Variants in GALNTL6 observed in about 807,000 individuals in gnomAD.
GALNTL6 encodes the protein polypeptide N-acetylgalactosaminyltransferase like 6.
Under a neutral mutation model 73.7 loss-of-function variants are expected in GALNTL6, and 46 were observed. The observed-to-expected ratio is 0.62, with a 90% CI of 0.49 to 0.80. GALNTL6 has a LOEUF of 0.80. Among genes scored for constraint, GALNTL6 ranks in the 30% least tolerant of loss-of-function variants. GALNTL6 has a pLI of 0.00. For missense variants in GALNTL6, 604 were observed against 755.0 expected, an observed-to-expected ratio of 0.80 and a Z score of 2.34; for synonymous variants, 259 against 263.7, an observed-to-expected ratio of 0.98 and a Z score of 0.17.
intron 7 of GALNTL6, among the ~76,000 whole-genome samples, chr4:172,814,337 C>A (rs1308214370): frequency 2.0e-5 from 3 of 152,090 alleles, no homozygotes; most frequent in Non-Finnish European, 4.4e-5. Flanking sequence ...TAATTTCTAC[C>A]AAACGACATC....
At chr4:172,315,730 T>G (rs925377364) in intron 4 of GALNTL6, among the ~76,000 whole-genome samples, 1 of 152,122 alleles carries the variant, frequency 6.6e-6, no homozygotes, top group Non-Finnish European at 1.5e-5. Context: ...AATTTTACAA[T>G]GAGCACTTCT....
intron 5 of GALNTL6, chr4:172,668,566 C>T (rs937207796): frequency 1.3e-5 from 2 of 152,148 alleles, no homozygotes; most frequent in African/African-American, 4.8e-5. Flanking sequence ...CTCTGGCAGA[C>T]CTGTGGTGCC....
chr4:172,378,654 T>C (rs1296125621), intron 5 of GALNTL6, among the ~76,000 whole-genome samples: 1 of 152,094 alleles, frequency 6.6e-6, no homozygotes, highest in African/African-American at 2.4e-5. Context: ...TAGTTACTAC[T>C]CTAGAAGTTT....
chr4:171,873,873 G>T (rs111364119), intron 2 of GALNTL6, among the ~76,000 whole-genome samples: 116 of 152,228 alleles, frequency 7.6e-4, no homozygotes, highest in African/African-American at 2.5e-3. Context: ...GGAGTTGAAG[G>T]AGGGACATGA....
chr4:172,517,415 T>A (rs1734645462), intron 5 of GALNTL6, among the ~76,000 whole-genome samples: 1 of 152,002 alleles, frequency 6.6e-6, no homozygotes, highest in Non-Finnish European at 1.5e-5. Flanking sequence ...CATCTGTAAG[T>A]AGAAGCAAAC....
Position 172,090,143 on chromosome 4 carries a change from C to T in GALNTL6, c.139-139513C>T, listed in dbSNP as rs562045030. Among the ~76,000 whole-genome samples the T allele has an allele frequency of 2.4e-3, 369 of 152,106 alleles. 1 individual carries two copies. Among genetic ancestry groups the T allele is most frequent in the African/African-American group, 3.2e-3 (131 of 41,486 alleles). On this transcript the variant is annotated intron_variant, in intron 2 of 12. Coordinates refer to ENST00000506823, the MANE Select transcript of GALNTL6 (RefSeq NM_001034845.3). The stretch of plus-strand genomic sequence containing the variant: ...GGTTCCAAGTCTTTGCTATTGTGAA[C>T]GGTGCCACAATAAACATACGTGTGC...
At chr4:172,586,825 T>C (rs1479444877) in intron 5 of GALNTL6, among the ~76,000 whole-genome samples, 2 of 152,220 alleles carry the variant, frequency 1.3e-5, no homozygotes, top group African/African-American at 4.8e-5. Flanking sequence ...TGTCCTCCTA[T>C]TGTGTAAGTA....
chr4:172,116,432 A>G (rs557823578), intron 2 of GALNTL6, among the ~76,000 whole-genome samples: 1 of 152,264 alleles, frequency 6.6e-6, no homozygotes, highest in South Asian at 2.1e-4. Flanking sequence ...TCCCAAGATG[A>G]CTTTTATTAT....
chr4:171,972,603 A>C (rs1196887718), intron 2 of GALNTL6, among the ~76,000 whole-genome samples: 2 of 152,110 alleles, frequency 1.3e-5, no homozygotes, highest in African/African-American at 2.4e-5. Flanking sequence ...TTTATTTCAA[A>C]CTTTGAAATT....
At chr4:171,929,234 T>C (rs1028183148) in intron 2 of GALNTL6, among the ~76,000 whole-genome samples, 1 of 152,156 alleles carries the variant, frequency 6.6e-6, no homozygotes, top group African/African-American at 2.4e-5. Flanking sequence ...GCCCAGCTAA[T>C]TTTTTACATT....
Position 171,896,918 on chromosome 4 carries a change from A to G in GALNTL6, c.138+82200A>G, listed in dbSNP as rs558160521. On this transcript the variant is annotated intron_variant, in intron 2 of 12. Transcript: ENST00000506823. ...AATTCTAAAATTTGTACAAACTAAG[A>G]AAAGCCAAGGAAGGAAAAACAAAAG... 5.9e-5 allele frequency among the ~76,000 whole-genome samples: 9 copies of G among 152,334 alleles called. No homozygotes were observed. The South Asian group carries it at 8.3e-4, about 14-fold the overall frequency.
rs148771868 is a variant in GALNTL6, at chr4:173,035,005, A to G, written c.1639-4928A>G. Among the ~76,000 whole-genome samples the G allele has an allele frequency of 7.3e-3, 1,116 of 152,050 alleles. 14 individuals carry two copies. The highest frequency in any genetic ancestry group is 0.025 in the African/African-American group (1,041 of 41,502). On this transcript the variant is annotated intron_variant, in intron 12 of 12. Transcript: ENST00000506823. ...TATATATTATTTTATATATTTTTTC[A>G]TATGTTCTTCCTTAAATCTAGAACA...
At chr4:172,595,066 G>T (rs1433981545) in intron 5 of GALNTL6, among the ~76,000 whole-genome samples, 2 of 151,910 alleles carry the variant, frequency 1.3e-5, no homozygotes, top group East Asian at 3.9e-4. Context: ...GAACTTTTTG[G>T]GTCTCTTTTA....
At chr4:173,018,904 G>T (rs1752884069) in intron 11 of GALNTL6, among the ~76,000 whole-genome samples, 2 of 152,234 alleles carry the variant, frequency 1.3e-5, no homozygotes, top group African/African-American at 4.8e-5. Flanking sequence ...TGAGATTTTA[G>T]ATTGAGAGGG....
intron 8 of GALNTL6, among the ~76,000 whole-genome samples, chr4:172,901,813 CAT>C (rs1316630593): frequency 1.3e-5 from 2 of 152,090 alleles, no homozygotes; most frequent in African/African-American, 2.4e-5. Flanking sequence ...GAGTAAATTT[CAT>C]GCCATAACAT....
At chr4:171,941,468 T>C (rs1271106649) in intron 2 of GALNTL6, among the ~76,000 whole-genome samples, 1 of 152,226 alleles carries the variant, frequency 6.6e-6, no homozygotes, top group African/African-American at 2.4e-5. Context: ...GCAAGATGTA[T>C]AGGAAGAAAA....
chr4:171,842,590 G>A (rs555963768), intron 2 of GALNTL6, among the ~76,000 whole-genome samples: 6 of 152,196 alleles, frequency 3.9e-5, no homozygotes, highest in Admixed American at 3.9e-4. Context: ...AGTCATGGTG[G>A]AAGAGAATAG....
At chr4:173,025,743 C>T (rs553299054) in intron 12 of GALNTL6, among the ~76,000 whole-genome samples, 92 of 152,318 alleles carry the variant, frequency 6.0e-4, no homozygotes, top group Non-Finnish European at 1.2e-3. Flanking sequence ...ACATAACAGC[C>T]GACCATCAGC....
chr4:172,705,893 G>T lies in GALNTL6; in HGVS notation c.554-103468G>T, dbSNP rs79542767. 1.0e-3 allele frequency among the ~76,000 whole-genome samples: 158 copies of T among 152,020 alleles called. 1 individual carries two copies. In the East Asian group the frequency reaches 0.023, roughly 23 times the overall value. ...GATTTAATTTTTTTTCTGCTTTTAGGATCCTCTATTTGTCCTTGAACTTTG... is the reference window on the plus strand; with the variant it reads ...GATTTAATTTTTTTTCTGCTTTTAGTATCCTCTATTTGTCCTTGAACTTTG... On this transcript the variant is annotated intron_variant, in intron 5 of 12. Coordinates refer to ENST00000506823, the MANE Select transcript of GALNTL6 (RefSeq NM_001034845.3).
Sources: gnomAD v4.1 joint callset for allele counts (sites outside exome capture counted in the v4.1 genomes callset) on GRCh38, gnomAD v4.1.1 for gene constraint, MANE v1.5 for transcripts, NCBI Gene and HGNC (gene_info 2026-07-23, HGNC 2026-07-21) for gene names.